DPYS: variants seen among roughly 807,000 people sequenced by gnomAD.
The protein encoded by DPYS is dihydropyrimidinase.
In DPYS, 39 loss-of-function variants were observed where a neutral mutation model predicts 50.3. The observed-to-expected ratio is 0.78, with a 90% CI of 0.60 to 1.01. The LOEUF (loss-of-function observed/expected upper bound fraction) is 1.01. Among genes scored for constraint, DPYS ranks in the 50% least tolerant of loss-of-function variants. The pLI is 0.00. For missense variants in DPYS, 659 were observed against 680.9 expected (o/e 0.97, Z 0.36); for synonymous variants, 245 against 250.7 (o/e 0.98, Z 0.22).
chr8:104,447,810 T>A (rs555479721), intron 2 of DPYS, among the ~76,000 whole-genome samples: 2 of 152,330 alleles, frequency 1.3e-5, no homozygotes, highest in East Asian at 3.9e-4. Context: ...TTTGAGGAAA[T>A]TATTCTAAAA....
chr8:104,445,404 G>A (rs1465670447), intron 3 of DPYS, among the ~76,000 whole-genome samples: 1 of 152,100 alleles, frequency 6.6e-6, no homozygotes, highest in Non-Finnish European at 1.5e-5. Flanking sequence ...AAGAAAATGT[G>A]TTACATATAC....
At chr8:104,461,633 C>T (rs1236873171) in intron 1 of DPYS, among the ~76,000 whole-genome samples, 1 of 152,030 alleles carries the variant, frequency 6.6e-6, no homozygotes, top group African/African-American at 2.4e-5. Context: ...GTTTGGGAAA[C>T]AGGAAGAAAA....
At chr8:104,417,217 T>A (rs1812398020) in intron 7 of DPYS, among the ~76,000 whole-genome samples, 1 of 152,226 alleles carries the variant, frequency 6.6e-6, no homozygotes, top group South Asian at 2.1e-4. Flanking sequence ...TGTGTGTTTG[T>A]GTGCTTGAGA....
chr8:104,455,599 T>C (rs2140751980), intron 1 of DPYS, among the ~76,000 whole-genome samples: 1 of 152,294 alleles, frequency 6.6e-6, no homozygotes, highest in African/African-American at 2.4e-5. Flanking sequence ...CATACAGACC[T>C]GTTTCCAAAC....
chr8:104,386,682 C>G (rs1263319197), intron 8 of DPYS, among the ~76,000 whole-genome samples: 4 of 150,474 alleles, frequency 2.7e-5, no homozygotes, highest in African/African-American at 7.4e-5. Context: ...GGCTAGAGTA[C>G]AGTGGTACGA....
chr8:104,437,241 C>T (rs1223425198), intron 4 of DPYS, among the ~76,000 whole-genome samples: 1 of 152,016 alleles, frequency 6.6e-6, no homozygotes, highest in Middle Eastern at 3.2e-3. Context: ...TTTAAAAGGC[C>T]TACTACTAAA....
At chr8:104,416,553 C>T (rs1234585706) in intron 7 of DPYS, among the ~76,000 whole-genome samples, 1 of 151,924 alleles carries the variant, frequency 6.6e-6, no homozygotes, top group Non-Finnish European at 1.5e-5. Flanking sequence ...GAGTGGCGGG[C>T]GCGTTAGTGA....
chr8:104,456,115 A>G (rs1412401791), intron 1 of DPYS, among the ~76,000 whole-genome samples: 1 of 152,132 alleles, frequency 6.6e-6, no homozygotes, highest in Admixed American at 6.5e-5. Context: ...TCAGTAGAGT[A>G]ACTACTGAAC....
At chr8:104,423,984 C>G in intron 7 of DPYS, 1 of 985,398 alleles carries the variant, frequency 1.0e-6, no homozygotes. Flanking sequence ...TTGCCAGGCA[C>G]TGAAGTGGTA....
At chr8:104,384,198 T>A (rs1050740126) in intron 8 of DPYS, among the ~76,000 whole-genome samples, 1 of 152,178 alleles carries the variant, frequency 6.6e-6, no homozygotes, top group African/African-American at 2.4e-5. Context: ...CTCTCCACAG[T>A]CTTTCCTTTT....
chr8:104,405,280 G>C (rs1465241259), intron 7 of DPYS, among the ~76,000 whole-genome samples: 1 of 152,178 alleles, frequency 6.6e-6, no homozygotes, highest in Non-Finnish European at 1.5e-5. Flanking sequence ...TAGAGAGCTT[G>C]AGTAACTTGT....
At chr8:104,445,106 G>A (rs1260454110) in intron 3 of DPYS, among the ~76,000 whole-genome samples, 1 of 152,108 alleles carries the variant, frequency 6.6e-6, no homozygotes. Context: ...TAAAAAGACA[G>A]GCAATAACAA....
At chr8:104,438,050 A>T (rs1277195060) in intron 4 of DPYS, among the ~76,000 whole-genome samples, 1 of 152,206 alleles carries the variant, frequency 6.6e-6, no homozygotes, top group African/African-American at 2.4e-5. Context: ...GAAGACAAGG[A>T]ATCAGAAAAT....
chr8:104,425,186 G>C (rs1179782432), intron 6 of DPYS, among the ~76,000 whole-genome samples: 2 of 151,810 alleles, frequency 1.3e-5, no homozygotes, highest in Non-Finnish European at 2.9e-5. Flanking sequence ...GAATATTATA[G>C]AGGATAGGTG....
At chr8:104,433,252 T>C (rs1157767259) in intron 4 of DPYS, among the ~76,000 whole-genome samples, 3 of 152,204 alleles carry the variant, frequency 2.0e-5, no homozygotes, top group Admixed American at 6.5e-5. Context: ...TGTGGCACTT[T>C]GCAACGGCAG....
At chr8:104,450,453 T>C (rs1236690903) in intron 2 of DPYS, among the ~76,000 whole-genome samples, 2 of 152,224 alleles carry the variant, frequency 1.3e-5, no homozygotes, top group Non-Finnish European at 2.9e-5. Context: ...GGTAAAAAGA[T>C]TGCTGAATTA....
chr8:104,383,675 C>T (rs1179680972), intron 8 of DPYS, among the ~76,000 whole-genome samples: 1 of 151,348 alleles, frequency 6.6e-6, no homozygotes, highest in Non-Finnish European at 1.5e-5. Context: ...AATGTTGGCT[C>T]ACTGCAAACT....
At chr8:104,462,817 T>C (rs113334292) in intron 1 of DPYS, among the ~76,000 whole-genome samples, 1 of 152,358 alleles carries the variant, frequency 6.6e-6, no homozygotes, top group Admixed American at 6.5e-5. Context: ...CTCATAGATA[T>C]TGAATTATCT....
intron 4 of DPYS, among the ~76,000 whole-genome samples, chr8:104,441,101 G>T (rs371639975): frequency 3.9e-4 from 59 of 152,268 alleles, no homozygotes; most frequent in African/African-American, 1.4e-3. Flanking sequence ...CATGCATGGG[G>T]TAGGAAATCT....
Sources: gnomAD v4.1 joint callset for allele counts (sites outside exome capture counted in the v4.1 genomes callset) on GRCh38, gnomAD v4.1.1 for gene constraint, MANE v1.5 for transcripts, NCBI Gene and HGNC (gene_info 2026-07-23, HGNC 2026-07-21) for gene names.